The following ITPR3 variants were observed in gnomAD, a reference collection of about 807,000 sequenced individuals.
The protein encoded by ITPR3 is inositol 1,4,5-trisphosphate-gated calcium channel ITPR3.
Under a neutral mutation model 293.2 loss-of-function variants are expected in ITPR3, and 173 were observed. The ratio of observed to expected loss-of-function variants is 0.59; its 90% CI spans 0.52 to 0.67. The LOEUF is 0.67. Ranked by LOEUF, ITPR3 falls within the 30% of genes least tolerant of loss-of-function variation. The pLI, the probability that ITPR3 is intolerant of heterozygous loss-of-function variation, is 0.00. For missense variants in ITPR3, 2,796 were observed against 3,592.1 expected (o/e 0.78, Z 5.66); for synonymous variants, 1,295 against 1,444.4 (o/e 0.90, Z 2.35).
Position 33,687,416 on chromosome 6 carries a change from CCCCCCAGCCACCATGT to C in ITPR3, c.6178-48_6178-33del, listed in dbSNP as rs1175216871. On this transcript the variant is annotated intron_variant, in intron 45 of 57. Coordinates refer to ENST00000605930, the MANE Select transcript of ITPR3 (RefSeq NM_002224.4). This position sits in a 1 kb window ranked among gnomAD's most constrained non-coding sequence, Gnocchi z 5.3. Reference sequence around the variant, plus strand: ...CATCATCCCCCAGTCGCCATTGTCGCCCCCCAGCCACCATGTCCCCCAGCCACCACACCCTGGTGAC... The same window carrying C: ...CATCATCCCCCAGTCGCCATTGTCGCCCCCCAGCCACCACACCCTGGTGAC... The C allele has an allele frequency of 5.4e-5, 82 of 1,522,528 alleles. No individual in the cohort carries two copies. In the African/African-American group the frequency reaches 7.1e-4, roughly 13 times the overall value. 94.3% of individuals were successfully genotyped at this position (1,522,528 alleles called of 1,614,324 possible).
At chr6:33,662,427 C>T in intron 7 of ITPR3, 101 bp from the exon 8 acceptor site, 4 of 1,388,014 alleles carry the variant, frequency 2.9e-6, no homozygotes, top group Non-Finnish European at 3.9e-6. Flanking sequence ...GGGGCCCTGC[C>T]AGCAGCCAAC....
At chr6:33,640,817 C>G (rs1468447550) in intron 2 of ITPR3, among the ~76,000 whole-genome samples, 3 of 152,258 alleles carry the variant, frequency 2.0e-5, no homozygotes, top group South Asian at 2.1e-4. Flanking sequence ...CATTCTCCCC[C>G]CAAAATCCCC....
Position 33,690,199 on chromosome 6 carries a change from G to T in ITPR3, c.7032+1G>T. 6.2e-7 allele frequency: 1 copy of T among 1,612,624 alleles called. No individual in the cohort carries two copies. The highest frequency in any genetic ancestry group is 8.5e-7 in the Non-Finnish European group (1 of 1,179,134). On this transcript the variant is annotated splice_donor_variant, in intron 51 of 57. Coordinates refer to ENST00000605930, the MANE Select transcript of ITPR3 (RefSeq NM_002224.4). LOFTEE classifies it high-confidence loss of function. Reference sequence around the variant, plus strand: ...TCATGAGCTGTTCTACAGCATCCTGGTGAGGCCTTCTGGGTGGGCTGGGGC... The same window carrying T: ...TCATGAGCTGTTCTACAGCATCCTGTTGAGGCCTTCTGGGTGGGCTGGGGC...
At position 33,690,956 on chromosome 6, in the gene ITPR3, G is replaced by A. The variant is rs1214347751; in HGVS notation, c.7072G>A (p.Val2358Ile). ...CTACCGCGAGGAGACGCTGTTCAAC[G>A]TCATCAAGAGTGTGACCCGCAATGG... Reference protein sequence around the residue: ...LIYREETLFNVIKSVTRNGRS... With the variant: ...LIYREETLFNIIKSVTRNGRS... Residue 2358 changes from valine (V) to isoleucine (I), a missense_variant, in exon 52 of 58, where the codon GTC becomes ATC. Transcript: ENST00000605930. 3 of 1,614,158 alleles carry A rather than the reference G, an allele frequency of 1.9e-6. No individual in the cohort carries two copies. Among genetic ancestry groups the A allele is most frequent in the Admixed American group, 1.7e-5 (1 of 60,016 alleles).
At chr6:33,694,711 G>GGTGTAGA in intron 56 of ITPR3, 2 of 590,110 alleles carry the variant, frequency 3.4e-6, no homozygotes, top group Admixed American at 3.1e-5. Context: ...AAGTCAGCCT[G>GGTGTAGA]TCTCGGTGGC....
chr6:33,691,593 A>G lies in ITPR3; in HGVS notation c.7226-22A>G. On this transcript the variant is annotated intron_variant, in intron 52 of 57. Transcript: ENST00000605930. This position sits in a 1 kb window ranked among gnomAD's most constrained non-coding sequence, Gnocchi z 4.9. The stretch of plus-strand genomic sequence containing the variant: ...AGGCCAGGCACTGGACCTCCTGATG[A>G]TCTCATCCATATCCCCTCCAGCCAG... The G allele has an allele frequency of 6.2e-7, 1 of 1,603,060 alleles. No homozygotes were observed. The highest frequency in any genetic ancestry group is 2.2e-5 in the East Asian group (1 of 44,806).
rs999276701 is a variant in ITPR3, at chr6:33,675,769, C to T, written c.3195C>T (p.His1065=). ...GCGTGCTCATCCACCTCACCATGCA[C>T]GACTATGCGCCGCTGGTCTCGGGTG... The part of the protein sequence containing the change: ...FLRVLIHLTM[H]DYAPLVSGAL... Residue 1065 remains histidine (H), a synonymous_variant, in exon 25 of 58, where the codon CAC becomes CAT. Transcript: ENST00000605930. This position sits in a 1 kb window ranked among gnomAD's most constrained non-coding sequence, Gnocchi z 5.0. 9.3e-6 allele frequency: 15 copies of T among 1,612,856 alleles called. No homozygotes were observed. Among genetic ancestry groups the T allele is most frequent in the Non-Finnish European group, 1.3e-5 (15 of 1,179,720 alleles).
rs201052446 is a variant in ITPR3 at position 33,663,522 on chromosome 6, A to G, written c.977A>G (p.Asp326Gly). ...AAEENPSYKGDASDPKAAGMG... is the reference protein window; with the variant it reads ...AAEENPSYKGGASDPKAAGMG... ...CAGGAGAACCCCAGTTACAAAGGTG[A>G]TGCCTCAGATCCCAAGGCAGCAGGA... Residue 326 changes from aspartate (D) to glycine (G), a missense_variant, in exon 10 of 58, where the codon GAT becomes GGT. Coordinates refer to ENST00000605930, the MANE Select transcript of ITPR3 (RefSeq NM_002224.4). 235 of 1,606,212 alleles carry G rather than the reference A, an allele frequency of 1.5e-4. No homozygotes were observed. Among genetic ancestry groups the G allele is most frequent in the Non-Finnish European group, 1.9e-4 (221 of 1,175,966 alleles).
chr6:33,651,276 C>CAAAA (rs11284603), intron 2 of ITPR3, among the ~76,000 whole-genome samples: 1 of 103,174 alleles, frequency 9.7e-6, no homozygotes, highest in African/African-American at 4.0e-5. Context: ...GACTCCGTCT[C>CAAAA]AAAAAAAAAA....
intron 2 of ITPR3, among the ~76,000 whole-genome samples, chr6:33,651,480 T>C (rs1764191039): frequency 1.3e-5 from 2 of 152,106 alleles, no homozygotes; most frequent in South Asian, 4.1e-4. Flanking sequence ...GCTGTTCTAC[T>C]GTGGGCTCAG....
chr6:33,676,906 G>A lies in ITPR3; in HGVS notation c.3421G>A (p.Ala1141Thr), dbSNP rs1356732550. Residue 1141 changes from alanine to threonine, a missense_variant, in exon 26 of 58, where the codon GCA becomes ACA. Around this residue, in one of 8 missense-constraint regions of ITPR3, gnomAD observed 6 missense variants for 24.4 expected, o/e 0.25. Coordinates refer to ENST00000605930, the MANE Select transcript of ITPR3 (RefSeq NM_002224.4). ...CAGTGGCAAGGGTGAGGAGGTGGAG[G>A]CAGGCGCCGCCAAGGACAAGAAAGA... ...KGSGKGEEVE[A>T]GAAKDKKERP... is the part of the protein sequence containing the mutation. 6.2e-7 allele frequency: 1 copy of A among 1,613,998 alleles called. No homozygotes were observed. The highest frequency in any genetic ancestry group is 8.5e-7 in the Non-Finnish European group (1 of 1,179,964).
Position 33,680,560 on chromosome 6 carries a change from C to T in ITPR3, c.4356C>T (p.Cys1452=), listed in dbSNP as rs776083761. The part of the protein sequence containing the change: ...ENFTLDMARV[C]SKREKRVADP... ...ATCCCTCTCTCCTGCCTCAGGTCTG[C>T]AGCAAGCGTGAGAAGCGCGTGGCTG... The change falls in exon 33 of 58, where the codon TGC becomes TGT. Residue 1452 remains cysteine (C), a synonymous_variant. Transcript: ENST00000605930. 1.4e-5 allele frequency: 23 copies of T among 1,613,740 alleles called. No homozygotes were observed. Among genetic ancestry groups the T allele is most frequent in the African/African-American group, 2.7e-5 (2 of 74,930 alleles).
Position 33,667,788 on chromosome 6 carries a change from C to G in ITPR3, c.1714-4C>G, listed in dbSNP as rs78399616. The G allele has an allele frequency of 7.4e-6, 12 of 1,613,814 alleles. No individual in the cohort carries two copies. Among genetic ancestry groups the G allele is most frequent in the African/African-American group, 4.0e-5 (3 of 74,914 alleles). On this transcript the variant is annotated splice_polypyrimidine_tract_variant and splice_region_variant and intron_variant, in intron 15 of 57. Coordinates refer to ENST00000605930, the MANE Select transcript of ITPR3 (RefSeq NM_002224.4). This position sits in a 1 kb window ranked among gnomAD's most constrained non-coding sequence, Gnocchi z 4.4. The stretch of plus-strand genomic sequence containing the variant: ...TGTGACCCCCAGCCTGTCTGCCCCC[C>G]CAGGAGCACATTGCCAAGCAGTTTG...
rs1192788293 is a variant in ITPR3 at position 33,694,991 on chromosome 6, A to G, written c.7853A>G (p.Glu2618Gly). 1 of 1,613,910 alleles carries G rather than the reference A, an allele frequency of 6.2e-7. No homozygotes were observed. The highest frequency in any genetic ancestry group is 2.2e-5 in the East Asian group (1 of 44,852). Reference sequence around the variant, plus strand: ...CTTGTCAGCAATGAGGGCGAGGGGGAGCAGAATGAGATTCGGATTCTCCAG... The same window carrying G: ...CTTGTCAGCAATGAGGGCGAGGGGGGGCAGAATGAGATTCGGATTCTCCAG... ...MSLVSNEGEGEQNEIRILQDK... is the reference protein window; with the variant it reads ...MSLVSNEGEGGQNEIRILQDK... Residue 2618 changes from glutamate (E) to glycine (G), a missense_variant, in exon 57 of 58, where the codon GAG (glutamate) becomes GGG (glycine). Glu to Gly is a moderately conservative substitution (Grantham distance 98). Transcript: ENST00000605930.
intron 2 of ITPR3, among the ~76,000 whole-genome samples, chr6:33,651,147 C>T (rs955022927): frequency 7.2e-5 from 11 of 151,920 alleles, no homozygotes; most frequent in Non-Finnish European, 8.8e-5. Context: ...CGTGGTGGCA[C>T]GCGCCTGTAA....
At chr6:33,674,102 G>C in intron 23 of ITPR3, 106 bp from the exon 24 acceptor site, 1 of 1,363,276 alleles carries the variant, frequency 7.3e-7, no homozygotes, top group Non-Finnish European at 1.0e-6. Flanking sequence ...CAGAGCAGCT[G>C]CTGTGCAGCC....
At chr6:33,640,056 ACT>A (rs1383921732) in intron 1 of ITPR3, among the ~76,000 whole-genome samples, 2 of 151,062 alleles carry the variant, frequency 1.3e-5, no homozygotes, top group African/African-American at 2.4e-5. Flanking sequence ...TGTCTTTCTG[ACT>A]CTCTGTCTCC....
intron 18 of ITPR3, among the ~76,000 whole-genome samples, chr6:33,669,592 G>A (rs942153916): frequency 2.6e-5 from 4 of 152,164 alleles, no homozygotes; most frequent in Non-Finnish European, 5.9e-5. Flanking sequence ...GAAAGACTCT[G>A]TCTCAAAAAA....
intron 2 of ITPR3, among the ~76,000 whole-genome samples, chr6:33,647,246 G>A (rs1002832489): frequency 2.6e-5 from 4 of 152,004 alleles, no homozygotes; most frequent in Non-Finnish European, 4.4e-5. Context: ...GAAAATAAGC[G>A]AACTCTTGGA....
Sources: gnomAD v4.1 joint callset for allele counts (sites outside exome capture counted in the v4.1 genomes callset) on GRCh38, gnomAD v4.1.1 for gene constraint, gnomAD v4.1.1 regional missense constraint, Gnocchi (gnomAD v3.1) non-coding constraint, MANE v1.5 for transcripts, NCBI Gene and HGNC (gene_info 2026-07-23, HGNC 2026-07-21) for gene names.